PTPRD: variants seen among roughly 807,000 people sequenced by gnomAD.
The protein encoded by PTPRD is protein tyrosine phosphatase receptor type D, also known as receptor-type tyrosine-protein phosphatase delta.
Under a neutral mutation model 214.5 loss-of-function variants are expected in PTPRD, and 34 were observed. That is an observed-to-expected ratio of 0.16 (90% confidence interval 0.12 to 0.21). PTPRD has a LOEUF of 0.21. Among genes scored for constraint, PTPRD ranks in the 10% least tolerant of loss-of-function variants. The probability of loss-of-function intolerance (pLI) is 1.00; values close to 1 mark genes in which losing one functional copy is unlikely to be tolerated. For synonymous variants in PTPRD, 1,128 were observed against 845.7 expected (o/e 1.33, Z -5.79); for missense variants, 2,545 against 2,398.7 (o/e 1.06, Z -1.27).
At chr9:8,627,886 A>G (rs531021834) in intron 14 of PTPRD, among the ~76,000 whole-genome samples, 1 of 152,048 alleles carries the variant, frequency 6.6e-6, no homozygotes, top group South Asian at 2.1e-4. Flanking sequence ...CTGTTCACTT[A>G]AAGTGGCTCT....
chr9:8,920,851 T>A (rs994054986), intron 11 of PTPRD, among the ~76,000 whole-genome samples: 6 of 152,180 alleles, frequency 3.9e-5, no homozygotes, highest in African/African-American at 1.4e-4. Flanking sequence ...TCTCCCTCTG[T>A]TGCCCAGGCT....
intron 12 of PTPRD, among the ~76,000 whole-genome samples, chr9:8,655,652 C>T (rs1248595438): frequency 1.3e-5 from 2 of 151,930 alleles, no homozygotes; most frequent in South Asian, 2.1e-4. Context: ...AGCAGAGCCC[C>T]TGGAAATGCC....
At chr9:8,452,223 T>C (rs1426141819) in intron 33 of PTPRD, among the ~76,000 whole-genome samples, 1 of 152,214 alleles carries the variant, frequency 6.6e-6, no homozygotes, top group Non-Finnish European at 1.5e-5. Flanking sequence ...ACCAGCTGCT[T>C]AAATGTATTT....
chr9:10,101,498 A>G (rs2098551502), intron 3 of PTPRD, among the ~76,000 whole-genome samples: 1 of 151,626 alleles, frequency 6.6e-6, no homozygotes, highest in South Asian at 2.1e-4. Flanking sequence ...CAATGACAAG[A>G]GTGCCACTGG....
At chr9:9,340,804 A>C (rs2046488137) in intron 9 of PTPRD, among the ~76,000 whole-genome samples, 2 of 152,228 alleles carry the variant, frequency 1.3e-5, no homozygotes, top group Non-Finnish European at 2.9e-5. Flanking sequence ...TTAAAAATAA[A>C]TTTCATTGAC....
At chr9:8,884,037 CTTA>C (rs2098466919) in intron 11 of PTPRD, among the ~76,000 whole-genome samples, 1 of 152,186 alleles carries the variant, frequency 6.6e-6, no homozygotes, top group Non-Finnish European at 1.5e-5. Context: ...TTCCATAATT[CTTA>C]TTCCCATTTT....
At chr9:8,870,698 A>ACACACACACG (rs1555457966) in intron 11 of PTPRD, among the ~76,000 whole-genome samples, 2 of 148,316 alleles carry the variant, frequency 1.3e-5, no homozygotes, top group African/African-American at 5.0e-5. Context: ...ACACACACAC[A>ACACACACACG]CACACACACA....
chr9:9,214,009 G>A (rs1355711060), intron 9 of PTPRD, among the ~76,000 whole-genome samples: 1 of 152,024 alleles, frequency 6.6e-6, no homozygotes, highest in East Asian at 1.9e-4. Flanking sequence ...CAAATATTTG[G>A]TGGAACAACA....
At chr9:10,207,627 T>C (rs2099490279) in intron 3 of PTPRD, among the ~76,000 whole-genome samples, 1 of 151,952 alleles carries the variant, frequency 6.6e-6, no homozygotes. Flanking sequence ...GAATGTATGT[T>C]TGTAGTTTTT....
intron 9 of PTPRD, among the ~76,000 whole-genome samples, chr9:9,311,017 G>C (rs1459538574): frequency 6.6e-6 from 1 of 151,762 alleles, no homozygotes; most frequent in East Asian, 1.9e-4. Flanking sequence ...TCTTAGGAGA[G>C]TGCATAATTC....
At chr9:10,110,290 A>G (rs2098678989) in intron 3 of PTPRD, among the ~76,000 whole-genome samples, 1 of 152,126 alleles carries the variant, frequency 6.6e-6, no homozygotes, top group Non-Finnish European at 1.5e-5. Context: ...ATTCTCTACC[A>G]TCTCCCTGTG....
At position 8,376,085 on chromosome 9, in the gene PTPRD, A is replaced by G. The variant is rs770966307; in HGVS notation, c.4512T>C (p.Gly1504=). Residue 1504 remains glycine (G), a synonymous_variant, in exon 39 of 46, where the codon GGT becomes GGC. Transcript: ENST00000381196. ...GTCTCACTTCTCTCTTCTCACTTGA[A>G]CCATTCTGTGAAATAGGAATATCAG... is the stretch of plus-strand genomic sequence containing the variant. ...CVRTFALYKN[G]SSEKREVRQF... 1 of 1,612,186 alleles carries G rather than the reference A, an allele frequency of 6.2e-7. No homozygotes were observed. The highest frequency in any genetic ancestry group is 8.5e-7 in the Non-Finnish European group (1 of 1,178,970).
intron 4 of PTPRD, among the ~76,000 whole-genome samples, chr9:9,979,079 A>T (rs1279886867): frequency 6.6e-6 from 1 of 152,098 alleles, no homozygotes; most frequent in African/African-American, 2.4e-5. Context: ...TAGTTTTCAG[A>T]CAAAACTAAA....
At chr9:9,945,183 G>C (rs1039534928) in intron 4 of PTPRD, among the ~76,000 whole-genome samples, 2 of 152,110 alleles carry the variant, frequency 1.3e-5, no homozygotes, top group African/African-American at 4.8e-5. Flanking sequence ...ATTATTAGGA[G>C]ATCCACGTGG....
intron 3 of PTPRD, among the ~76,000 whole-genome samples, chr9:10,186,742 T>C (rs887822485): frequency 6.6e-6 from 1 of 152,186 alleles, no homozygotes; most frequent in African/African-American, 2.4e-5. Flanking sequence ...TATTTATCTG[T>C]ATGACAGAGC....
intron 8 of PTPRD, among the ~76,000 whole-genome samples, chr9:9,562,497 T>A (rs2083236725): frequency 6.6e-6 from 1 of 152,180 alleles, no homozygotes; most frequent in African/African-American, 2.4e-5. Flanking sequence ...GCTCTTAGTG[T>A]TAAAGCCAAA....
intron 2 of PTPRD, among the ~76,000 whole-genome samples, chr9:10,558,783 G>A (rs925152777): frequency 1.3e-5 from 2 of 152,048 alleles, no homozygotes; most frequent in African/African-American, 4.8e-5. Flanking sequence ...CACTCAATGA[G>A]AATTTTGTAA....
intron 3 of PTPRD, among the ~76,000 whole-genome samples, chr9:10,321,188 G>A (rs897710276): frequency 2.0e-5 from 3 of 151,940 alleles, no homozygotes; most frequent in Non-Finnish European, 4.4e-5. Context: ...CATTTATAAT[G>A]ATAATAACTA....
At chr9:9,255,883 G>C (rs554905773) in intron 9 of PTPRD, among the ~76,000 whole-genome samples, 5 of 152,114 alleles carry the variant, frequency 3.3e-5, no homozygotes, top group Admixed American at 2.0e-4. Flanking sequence ...TCAGGATTCA[G>C]AGAGAATGTT....
Sources: allele counts gnomAD v4.1 joint callset (sites outside exome capture counted in the v4.1 genomes callset), GRCh38; gene constraint gnomAD v4.1.1; transcripts MANE v1.5; gene names NCBI Gene and HGNC (gene_info 2026-07-23, HGNC 2026-07-21).